Variants in MFSD8 observed in about 807,000 individuals in gnomAD.
MFSD8 encodes major facilitator superfamily domain-containing protein 8.
In MFSD8, 55 loss-of-function variants were observed where a neutral mutation model predicts 66.4. That is an observed-to-expected ratio of 0.83 (90% CI 0.67 to 1.04). The LOEUF (loss-of-function observed/expected upper bound fraction) is 1.04. MFSD8 is among the 50% of genes least tolerant of loss of function. The probability of loss-of-function intolerance (pLI) is 0.00; values close to 1 mark genes in which losing one functional copy is unlikely to be tolerated. For missense variants in MFSD8, 550 were observed against 627.6 expected (o/e 0.88, Z 1.32); for synonymous variants, 202 against 212.8 (o/e 0.95, Z 0.44).
intron 1 of MFSD8, among the ~76,000 whole-genome samples, chr4:127,958,105 A>G (rs1578989478): frequency 6.6e-6 from 1 of 152,222 alleles, no homozygotes; most frequent in Non-Finnish European, 1.5e-5. Flanking sequence ...ACGTAACCTA[A>G]GACATTTTCA....
intron 3 of MFSD8, among the ~76,000 whole-genome samples, chr4:127,945,119 A>G (rs1740820801): frequency 6.6e-6 from 1 of 152,118 alleles, no homozygotes; most frequent in Admixed American, 6.6e-5. Flanking sequence ...GTAACACACT[A>G]TGACTGTACC....
intron 9 of MFSD8, among the ~76,000 whole-genome samples, chr4:127,926,601 C>T (rs2148859833): frequency 6.6e-6 from 1 of 152,190 alleles, no homozygotes; most frequent in South Asian, 2.1e-4. Context: ...CACTGCTCTA[C>T]TTCTGTAGCA....
chr4:127,964,293 G>C (rs905798575), intron 1 of MFSD8, among the ~76,000 whole-genome samples: 1 of 152,228 alleles, frequency 6.6e-6, no homozygotes, highest in Admixed American at 6.5e-5. Flanking sequence ...AGGGAGCGGC[G>C]CTCATCGGGG....
At chr4:127,928,782 C>A (rs1481473780) in intron 9 of MFSD8, among the ~76,000 whole-genome samples, 1 of 152,122 alleles carries the variant, frequency 6.6e-6, no homozygotes, top group Non-Finnish European at 1.5e-5. Context: ...AAAGACACAT[C>A]TGCACTCCCA....
intron 9 of MFSD8, among the ~76,000 whole-genome samples, chr4:127,925,069 T>C (rs1157711767): frequency 3.9e-5 from 6 of 152,174 alleles, no homozygotes; most frequent in African/African-American, 1.4e-4. Context: ...GCCCCTTCTT[T>C]ATACCTTATA....
intron 3 of MFSD8, among the ~76,000 whole-genome samples, chr4:127,949,354 A>T (rs943934867): frequency 6.6e-6 from 1 of 152,226 alleles, no homozygotes; most frequent in East Asian, 1.9e-4. Flanking sequence ...TAACAGCATC[A>T]AAAAATACAT....
chr4:127,959,766 C>CT (rs1180776587), intron 1 of MFSD8, among the ~76,000 whole-genome samples: 1 of 152,048 alleles, frequency 6.6e-6, no homozygotes, highest in Non-Finnish European at 1.5e-5. Flanking sequence ...AAAAGATTTA[C>CT]TTTTTCCTTT....
At chr4:127,951,013 T>C (rs775659330) in intron 2 of MFSD8, among the ~76,000 whole-genome samples, 19 of 151,222 alleles carry the variant, frequency 1.3e-4, no homozygotes, top group South Asian at 2.1e-4. Context: ...TGAGCCAAGA[T>C]TGCACCACTG....
In MFSD8 at chr4:127,942,246, G is replaced by C. The variant is rs13144164; in HGVS notation, c.440-88C>G. On this transcript the variant is annotated intron_variant, in intron 4 of 11. Transcript: ENST00000641686. ...TCCAATTTGACTTTATACAGAAGAA[G>C]AAATCTTGGTCAACAGTACAGTCAC... 5 of 1,015,662 alleles carry C rather than the reference G, an allele frequency of 4.9e-6. No individual in the cohort carries two copies. The South Asian group carries it at 6.4e-5, about 13-fold the overall frequency. 62.9% of individuals were successfully genotyped at this position (1,015,662 alleles called of 1,614,324 possible). A position where few individuals can be genotyped will look rare whatever the true frequency, so the allele number is the denominator to read the frequency against.
At chr4:127,965,330 T>G, upstream of MFSD8, 2 of 649,632 alleles carry the variant, frequency 3.1e-6, no homozygotes, top group African/African-American at 1.8e-5. Context: ...GGAGGCTGTG[T>G]CCTCAGCCTC....
chr4:127,957,319 G>A (rs1578985246), intron 2 of MFSD8, among the ~76,000 whole-genome samples, 182 bp downstream of exon 2: 2 of 152,182 alleles, frequency 1.3e-5, no homozygotes, highest in Non-Finnish European at 2.9e-5. Flanking sequence ...GGGATTGGTT[G>A]CACAACAATG....
intron 1 of MFSD8, among the ~76,000 whole-genome samples, chr4:127,959,684 CAGTT>C (rs1743436145): frequency 6.6e-6 from 1 of 152,136 alleles, no homozygotes; most frequent in African/African-American, 2.4e-5. Flanking sequence ...AAAAGGCTAA[CAGTT>C]AGTGACAGGA....
chr4:127,946,670 C>G (rs1741080038), intron 3 of MFSD8, among the ~76,000 whole-genome samples: 1 of 151,968 alleles, frequency 6.6e-6, no homozygotes, highest in Non-Finnish European at 1.5e-5. Context: ...AATGCCAGCA[C>G]TTTGAGAGGC....
chr4:127,962,195 T>G (rs1743897732), intron 1 of MFSD8, among the ~76,000 whole-genome samples: 1 of 152,016 alleles, frequency 6.6e-6, no homozygotes, highest in Non-Finnish European at 1.5e-5. Context: ...ATTGAGACAT[T>G]TGGGACTGTT....
At chr4:127,937,277 G>A (rs1739245015) in intron 7 of MFSD8, among the ~76,000 whole-genome samples, 1 of 152,122 alleles carries the variant, frequency 6.6e-6, no homozygotes, top group South Asian at 2.1e-4. Context: ...AGCATATTCA[G>A]CTTGATCCAA....
rs563411388 is a variant in MFSD8 at position 127,917,853 on chromosome 4, T to A, written c.*2777A>T. ...TATTAGAAAATGAACATTCACAATG[T>A]AAAGTAGAAATTAAATTACAAATAA... On this transcript the variant is annotated 3_prime_UTR_variant, in exon 12 of 12. Coordinates refer to ENST00000641686, the MANE Select transcript of MFSD8 (RefSeq NM_001371596.2). The A allele has an allele frequency of 1.4e-4, 22 of 152,330 alleles. No individual in the cohort carries two copies. The highest frequency in any genetic ancestry group is 1.4e-3 in the Admixed American group (21 of 15,292). The allele number at this position is 152,330 out of a possible 1,614,324, so 9.4% of individuals were successfully genotyped here. A position where few individuals can be genotyped will look rare whatever the true frequency, so the allele number is the denominator to read the frequency against.
chr4:127,956,648 G>A (rs538290568), intron 2 of MFSD8, among the ~76,000 whole-genome samples: 153 of 151,824 alleles, frequency 1.0e-3, no homozygotes, highest in Non-Finnish European at 1.6e-3. Flanking sequence ...GAGACATCCC[G>A]TCTCTACTAA....
At chr4:127,943,233 T>G (rs909538603) in intron 4 of MFSD8, among the ~76,000 whole-genome samples, 1 of 150,696 alleles carries the variant, frequency 6.6e-6, no homozygotes, top group African/African-American at 2.4e-5. Flanking sequence ...AAAAAAAAAA[T>G]TATTATCTGG....
chr4:127,941,271 G>T (rs192218703), intron 5 of MFSD8, among the ~76,000 whole-genome samples: 1 of 152,126 alleles, frequency 6.6e-6, no homozygotes. Flanking sequence ...ATAGAGGAAC[G>T]TAATGGAAAC....
Sources: allele counts gnomAD v4.1 joint callset (sites outside exome capture counted in the v4.1 genomes callset), GRCh38; gene constraint gnomAD v4.1.1; transcripts MANE v1.5; gene names NCBI Gene and HGNC (gene_info 2026-07-23, HGNC 2026-07-21).